Variants in FAF1 observed in about 807,000 individuals in gnomAD.
The protein encoded by FAF1 is FAS-associated factor 1.
A neutral mutation model predicts 92.5 loss-of-function variants in FAF1; 25 were observed. That is an observed-to-expected ratio of 0.27 (90% CI 0.20 to 0.38). The LOEUF (loss-of-function observed/expected upper bound fraction) is 0.38, where lower values mean the gene tolerates loss of function less well. Among genes scored for constraint, FAF1 ranks in the 10% least tolerant of loss-of-function variants. The pLI is 1.00. For synonymous variants in FAF1, 234 were observed against 273.2 expected, an observed-to-expected ratio of 0.86 and a Z score of 1.42; for missense variants, 636 against 793.3, an observed-to-expected ratio of 0.80 and a Z score of 2.38.
At chr1:50,708,500 T>C (rs1657785186) in intron 6 of FAF1, among the ~76,000 whole-genome samples, 1 of 151,900 alleles carries the variant, frequency 6.6e-6, no homozygotes. Context: ...TTGAGATGTT[T>C]TGAGATGTCT....
At chr1:50,843,365 C>T in intron 2 of FAF1, among the ~76,000 whole-genome samples, 1 of 152,230 alleles carries the variant, frequency 6.6e-6, no homozygotes, top group South Asian at 2.1e-4. Context: ...GGATAACCAT[C>T]ACCTCAAACA....
intron 15 of FAF1, among the ~76,000 whole-genome samples, chr1:50,499,231 G>T (rs1349190285): frequency 6.6e-6 from 1 of 152,112 alleles, no homozygotes; most frequent in Non-Finnish European, 1.5e-5. Context: ...GGGAGTTATT[G>T]CTTATTAGAC....
At chr1:50,629,232 C>T (rs1029145114) in intron 8 of FAF1, among the ~76,000 whole-genome samples, 2 of 139,502 alleles carry the variant, frequency 1.4e-5, no homozygotes, top group Non-Finnish European at 3.0e-5. Flanking sequence ...TGCAATGGTG[C>T]GATCTCGGCT....
chr1:50,624,251 G>A (rs562307808), intron 8 of FAF1, among the ~76,000 whole-genome samples: 5 of 152,086 alleles, frequency 3.3e-5, no homozygotes, highest in South Asian at 2.1e-4. Context: ...GGGTTCAAGC[G>A]ATTCTCCTGC....
chr1:50,563,421 T>C (rs1400599020), intron 13 of FAF1, among the ~76,000 whole-genome samples: 1 of 151,038 alleles, frequency 6.6e-6, no homozygotes, highest in Non-Finnish European at 1.5e-5. Context: ...CGAGACCTTG[T>C]CTCTTAAAAA....
intron 7 of FAF1, among the ~76,000 whole-genome samples, chr1:50,692,284 TGTGTGTGTGG>T (rs1304197664): frequency 4.7e-5 from 7 of 149,100 alleles, no homozygotes; most frequent in Non-Finnish European, 6.0e-5. Flanking sequence ...TGTGTGTGTG[TGTGTGTGTGG>T]TGGGAACATT....
intron 4 of FAF1, chr1:50,781,133 T>C: frequency 3.6e-6 from 1 of 281,486 alleles, no homozygotes; most frequent in South Asian, 3.3e-5. Flanking sequence ...CAGTCAATAC[T>C]CCTCCGGGTG....
intron 4 of FAF1, among the ~76,000 whole-genome samples, chr1:50,782,466 G>A (rs1162510898): frequency 6.6e-6 from 1 of 151,934 alleles, no homozygotes; most frequent in Non-Finnish European, 1.5e-5. Flanking sequence ...ACAGAAAAAG[G>A]ATATAAAGAA....
intron 13 of FAF1, among the ~76,000 whole-genome samples, chr1:50,544,271 T>C (rs187585610): frequency 6.6e-6 from 1 of 152,270 alleles, no homozygotes; most frequent in Admixed American, 6.5e-5. Context: ...ATGACTAAGC[T>C]AGGGGAAACT....
intron 15 of FAF1, among the ~76,000 whole-genome samples, chr1:50,519,441 AGGAGGGAAGGAG>A: frequency 7.4e-6 from 1 of 136,006 alleles, no homozygotes; most frequent in Non-Finnish European, 1.6e-5. Flanking sequence ...GGAAGGAAGG[AGGAGGGAAGGAG>A]GGAGGGAAGG....
At chr1:50,464,224 C>T (rs148480847) in intron 18 of FAF1, among the ~76,000 whole-genome samples, 14 of 152,170 alleles carry the variant, frequency 9.2e-5, no homozygotes, top group African/African-American at 3.4e-4. Flanking sequence ...CCAGGCTGGT[C>T]TTGAACTCCT....
chr1:50,761,280 T>G (rs1660315713), intron 4 of FAF1, among the ~76,000 whole-genome samples: 1 of 152,166 alleles, frequency 6.6e-6, no homozygotes, highest in African/African-American at 2.4e-5. Flanking sequence ...CTGGTACCAT[T>G]CCTTCTGAAA....
chr1:50,660,647 C>A lies in FAF1; in HGVS notation c.658-5119G>T, dbSNP rs61781026. Among the ~76,000 whole-genome samples the A allele has an allele frequency of 3.8e-3, 572 of 152,166 alleles. 4 individuals are homozygous for A. The highest frequency in any genetic ancestry group is 0.031 in the Middle Eastern group (9 of 294). On this transcript the variant is annotated intron_variant, in intron 7 of 18. Transcript: ENST00000396153. ...TAGCTGGGATTACAGGAGTGTGCCA[C>A]CACACCTGGCTAATTTTTGTATTTT...
intron 8 of FAF1, among the ~76,000 whole-genome samples, chr1:50,641,780 C>G (rs1654339813): frequency 6.6e-6 from 1 of 152,166 alleles, no homozygotes; most frequent in Non-Finnish European, 1.5e-5. Flanking sequence ...AAATCTCTAC[C>G]TGTGTGTCAG....
chr1:50,931,800 G>A (rs1434230629), intron 1 of FAF1, among the ~76,000 whole-genome samples: 3 of 151,572 alleles, frequency 2.0e-5, no homozygotes, highest in Non-Finnish European at 4.4e-5. Flanking sequence ...CGTGAACCAG[G>A]GAGGCAGAGC....
At chr1:50,471,990 A>C (rs1271486946) in intron 18 of FAF1, among the ~76,000 whole-genome samples, 1 of 152,076 alleles carries the variant, frequency 6.6e-6, no homozygotes, top group Non-Finnish European at 1.5e-5. Flanking sequence ...GAGGAGAGAA[A>C]ACGGAAGATA....
intron 7 of FAF1, among the ~76,000 whole-genome samples, chr1:50,686,738 A>T (rs1656679363): frequency 6.6e-6 from 1 of 152,204 alleles, no homozygotes; most frequent in African/African-American, 2.4e-5. Flanking sequence ...TTCTTGGTTT[A>T]ACTTCAATAG....
chr1:50,729,917 A>T (rs1658846937), intron 6 of FAF1, among the ~76,000 whole-genome samples: 1 of 152,040 alleles, frequency 6.6e-6, no homozygotes, highest in Admixed American at 6.5e-5. Flanking sequence ...GCTACTCAGG[A>T]GGCTGACGCA....
intron 17 of FAF1, 118 bp downstream of exon 17, chr1:50,490,453 AAGGAAGGAAAAAGAAAG>A: frequency 2.7e-6 from 1 of 376,038 alleles, no homozygotes; most frequent in African/African-American, 3.0e-5. Flanking sequence ...GGAAGGAAGG[AAGGAAGGAAAAAGAAAG>A]AAGGAAGGAA....
Sources: allele counts gnomAD v4.1 joint callset (sites outside exome capture counted in the v4.1 genomes callset), GRCh38; gene constraint gnomAD v4.1.1; transcripts MANE v1.5; gene names NCBI Gene and HGNC (gene_info 2026-07-23, HGNC 2026-07-21).